Variants in ROR2 observed in about 807,000 individuals in gnomAD.
The protein encoded by ROR2 is tyrosine-protein kinase transmembrane receptor ROR2.
A neutral mutation model predicts 74.9 loss-of-function variants in ROR2; 33 were observed. The observed-to-expected ratio is 0.44, with a 90% CI of 0.33 to 0.59. The LOEUF is 0.59. ROR2 is among the 20% of genes least tolerant of loss of function. The pLI is 0.02. For synonymous variants in ROR2, 586 were observed against 558.7 expected (o/e 1.05, Z -0.69); for missense variants, 1,216 against 1,313.8 (o/e 0.93, Z 1.15).
chr9:91,941,768 C>T (rs141357516), intron 1 of ROR2, among the ~76,000 whole-genome samples: 3 of 151,318 alleles, frequency 2.0e-5, no homozygotes, highest in African/African-American at 7.3e-5. Flanking sequence ...CCAGCCCCGC[C>T]CTGCCCTCCT....
intron 1 of ROR2, among the ~76,000 whole-genome samples, chr9:91,922,217 C>T (rs909339382): frequency 1.3e-5 from 2 of 151,846 alleles, no homozygotes; most frequent in Admixed American, 1.3e-4. Flanking sequence ...CAAAATGGTG[C>T]AGCCACTGTG....
intron 4 of ROR2, among the ~76,000 whole-genome samples, chr9:91,747,443 T>C (rs1247604959): frequency 6.6e-6 from 1 of 152,140 alleles, no homozygotes; most frequent in East Asian, 1.9e-4. Flanking sequence ...ACCATCAGAG[T>C]TCATGGCTAA....
intron 1 of ROR2, among the ~76,000 whole-genome samples, chr9:91,919,514 T>C (rs1326338192): frequency 3.3e-5 from 5 of 152,184 alleles, no homozygotes; most frequent in Admixed American, 6.5e-5. Flanking sequence ...CTGCCCACCA[T>C]GAATCCTACA....
intron 1 of ROR2, among the ~76,000 whole-genome samples, chr9:91,916,949 T>A (rs1046201566): frequency 6.6e-6 from 1 of 152,150 alleles, no homozygotes; most frequent in African/African-American, 2.4e-5. Context: ...AAATGTTCCC[T>A]GCCCCCACAG....
chr9:91,839,199 C>A (rs1828702295), intron 1 of ROR2, among the ~76,000 whole-genome samples: 1 of 151,478 alleles, frequency 6.6e-6, no homozygotes, highest in Admixed American at 6.6e-5. Flanking sequence ...TCGTGTTTAC[C>A]AAAACACCTC....
intron 1 of ROR2, among the ~76,000 whole-genome samples, chr9:91,925,572 C>T (rs529211856): frequency 6.6e-6 from 1 of 152,254 alleles, no homozygotes; most frequent in East Asian, 1.9e-4. Context: ...CTTACCTCCA[C>T]ACAAGCCCCA....
intron 1 of ROR2, among the ~76,000 whole-genome samples, chr9:91,922,801 C>G (rs888423895): frequency 6.6e-6 from 1 of 152,008 alleles, no homozygotes; most frequent in Non-Finnish European, 1.5e-5. Flanking sequence ...CAAAACCTGT[C>G]GACTCCTCAG....
rs562666730 is a variant in ROR2 at position 91,890,035 on chromosome 9, G to A, written c.97+59832C>T. On this transcript the variant is annotated intron_variant, in intron 1 of 8. Transcript: ENST00000375708. ...TTCTCCCACACTGACTGGACCCCAG[G>A]GCAGGGGAGTTAGTGGCTTCAGCCA... Among the ~76,000 whole-genome samples the A allele has an allele frequency of 3.9e-5, 6 of 152,340 alleles. No individual in the cohort carries two copies. In the East Asian group the frequency reaches 1.2e-3, roughly 29 times the overall value.
intron 4 of ROR2, among the ~76,000 whole-genome samples, chr9:91,742,323 A>G (rs1825281357): frequency 6.6e-6 from 1 of 152,104 alleles, no homozygotes; most frequent in South Asian, 2.1e-4. Context: ...CTCCCCCTGG[A>G]TCCCTCCTGC....
intron 1 of ROR2, among the ~76,000 whole-genome samples, chr9:91,847,736 G>A (rs760143526): frequency 2.8e-4 from 43 of 152,070 alleles, no homozygotes; most frequent in South Asian, 8.3e-4. Context: ...TGCCCTTGCC[G>A]GCCAGGAGAT....
chr9:91,848,632 T>C (rs746903205), intron 1 of ROR2, among the ~76,000 whole-genome samples: 46 of 151,958 alleles, frequency 3.0e-4, no homozygotes, highest in Non-Finnish European at 5.3e-4. Flanking sequence ...TGCATGCCCA[T>C]AATCCCAGAT....
At chr9:91,811,828 G>C in intron 1 of ROR2, among the ~76,000 whole-genome samples, 1 of 152,154 alleles carries the variant, frequency 6.6e-6, no homozygotes. Flanking sequence ...TTCCGTATCT[G>C]TGTGTCTTTC....
intron 1 of ROR2, among the ~76,000 whole-genome samples, chr9:91,938,941 A>G (rs1831775138): frequency 6.6e-6 from 1 of 152,166 alleles, no homozygotes; most frequent in African/African-American, 2.4e-5. Context: ...TGGGCCATGG[A>G]GTATGTGCAT....
At chr9:91,943,415 G>T (rs74960244) in intron 1 of ROR2, among the ~76,000 whole-genome samples, 4,541 of 152,110 alleles carry the variant, frequency 0.03, 128 homozygotes, top group South Asian at 0.11. Flanking sequence ...ATGAAAGCAT[G>T]AGTTACACTG....
chr9:91,842,739 C>G (rs1427374887), intron 1 of ROR2, among the ~76,000 whole-genome samples: 1 of 152,218 alleles, frequency 6.6e-6, no homozygotes, highest in Non-Finnish European at 1.5e-5. Flanking sequence ...CTCCTGCCAC[C>G]CCCCTCCTCC....
chr9:91,825,045 G>A (rs770549013), intron 1 of ROR2, among the ~76,000 whole-genome samples: 1 of 152,368 alleles, frequency 6.6e-6, no homozygotes, highest in South Asian at 2.1e-4. Context: ...ATGTTTCTTT[G>A]TGGCCTTAAG....
In ROR2 at chr9:91,724,254, C is replaced by T. The variant is rs201155263; in HGVS notation, c.2240G>A (p.Arg747Gln). The T allele has an allele frequency of 1.4e-4, 225 of 1,613,378 alleles. 1 individual carries two copies. The highest frequency in any genetic ancestry group is 6.6e-4 in the Middle Eastern group (4 of 6,084). The change falls in exon 9 of 9, where the codon CGA becomes CAA. Residue 747 changes from arginine to glutamine, a missense_variant. Physicochemically the swap from Arg to Gln is conservative, Grantham distance 43. Transcript: ENST00000375708. Reference protein sequence around the residue: ...PRFKDIHSRLRAWGNLSNYNS... With the variant: ...PRFKDIHSRLQAWGNLSNYNS... The stretch of plus-strand genomic sequence containing the variant: ...GTAGTTGGAAAGGTTGCCCCAGGCT[C>T]GGAGCCGGCTGTGGATGTCCTTGAA...
chr9:91,831,098 C>T (rs1309428610), intron 1 of ROR2, among the ~76,000 whole-genome samples: 1 of 151,908 alleles, frequency 6.6e-6, no homozygotes, highest in Non-Finnish European at 1.5e-5. Flanking sequence ...CCCATCTCTA[C>T]TAAAAATACA....
chr9:91,826,191 G>T (rs1828284482), intron 1 of ROR2, among the ~76,000 whole-genome samples: 1 of 152,146 alleles, frequency 6.6e-6, no homozygotes. Flanking sequence ...TCTACAGAAT[G>T]GGGGAAATGA....
Sources: gnomAD v4.1 joint callset for allele counts (sites outside exome capture counted in the v4.1 genomes callset) on GRCh38, gnomAD v4.1.1 for gene constraint, MANE v1.5 for transcripts, NCBI Gene and HGNC (gene_info 2026-07-23, HGNC 2026-07-21) for gene names.